The following SNX16 variants were observed in gnomAD, a reference collection of about 807,000 sequenced individuals.
The protein encoded by SNX16 is sorting nexin 16.
SNX16 carries 35 observed loss-of-function variants against 36.7 expected under a neutral mutation model. The ratio of observed to expected loss-of-function variants is 0.95; its 90% confidence interval spans 0.73 to 1.27. SNX16 has a LOEUF of 1.27. Among genes scored for constraint, SNX16 ranks in the 50% most tolerant of loss-of-function variants. The pLI is 0.00. For synonymous variants in SNX16, 134 were observed against 132.0 expected, an observed-to-expected ratio of 1.02 and a Z score of -0.10; for missense variants, 367 against 393.6, an observed-to-expected ratio of 0.93 and a Z score of 0.57.
At chr8:81,832,348 G>A (rs1202241157) in intron 2 of SNX16, among the ~76,000 whole-genome samples, 1 of 152,166 alleles carries the variant, frequency 6.6e-6, no homozygotes, top group Non-Finnish European at 1.5e-5. Flanking sequence ...TCACTTATAA[G>A]TGGGAGGTAA....
rs1810887859 is a variant in SNX16 at position 81,823,850 on chromosome 8, G to A, written c.553C>T (p.Gln185Ter). The A allele has an allele frequency of 3.1e-6, 5 of 1,611,968 alleles. No homozygotes were observed. The highest frequency in any genetic ancestry group is 4.2e-6 in the Non-Finnish European group (5 of 1,178,920). ...TGAAGAAACGCTTGTAATCCTAATT[G>A]TCTGTCTTCTAAAAAGTCAGCATTG... ...NYNADFLEDR[Q>*]LGLQAFLQNL... The change falls in exon 4 of 8, where the codon CAA becomes TAA. Residue 185 changes from glutamine to a stop codon, truncating the protein, a stop_gained. Coordinates refer to ENST00000345957, the MANE Select transcript of SNX16 (RefSeq NM_152836.3). LOFTEE classifies it high-confidence loss of function.
chr8:81,808,812 C>T, intron 5 of SNX16: 1 of 735,236 alleles, frequency 1.4e-6, no homozygotes, highest in South Asian at 1.4e-5. Flanking sequence ...TTTGTGAAGT[C>T]AGCCAAGCAC....
In SNX16 at chr8:81,839,710, T is replaced by C. The variant is rs757466825; in HGVS notation, c.277A>G (p.Thr93Ala). Residue 93 changes from threonine to alanine, a missense_variant, in exon 2 of 8, where the codon ACT (threonine) becomes GCT (alanine). Thr to Ala is a moderately conservative substitution (Grantham distance 58, BLOSUM62 0). Transcript: ENST00000345957. ...ACTGTTTCCGGATTTTGTTCTTCAG[T>C]GTCTCTTGGTCTAGTAGAATACTCA... ...SIEYSTRPRD[T>A]EEQNPETVNW... The C allele has an allele frequency of 9.9e-6, 16 of 1,613,886 alleles. No individual in the cohort carries two copies. Among genetic ancestry groups the C allele is most frequent in the Non-Finnish European group, 1.1e-5 (13 of 1,179,902 alleles).
intron 5 of SNX16, chr8:81,808,753 A>G (rs545995206): frequency 9.9e-6 from 11 of 1,116,340 alleles, no homozygotes; most frequent in Middle Eastern, 2.6e-4. Flanking sequence ...AAAGCTCAGC[A>G]GGAGAGGAGA....
At chr8:81,831,012 G>A (rs1480534410) in intron 2 of SNX16, among the ~76,000 whole-genome samples, 1 of 152,126 alleles carries the variant, frequency 6.6e-6, no homozygotes, top group Non-Finnish European at 1.5e-5. Flanking sequence ...ATAAGCATAG[G>A]GAAGCGATCC....
Position 81,800,746 on chromosome 8 carries a change from A to C in SNX16, c.*751T>G, listed in dbSNP as rs1466195158. The C allele has an allele frequency of 1.3e-5, 2 of 152,186 alleles. No homozygotes were observed. Among genetic ancestry groups the C allele is most frequent in the East Asian group, 3.8e-4 (2 of 5,204 alleles). The allele number at this position is 152,186 out of a possible 1,614,324, so 9.4% of individuals were successfully genotyped here. A position where few individuals can be genotyped will look rare whatever the true frequency, so the allele number is the denominator to read the frequency against. ...CTTAACAAAAGGAGGTAGTATTCTGAAAGAGGCAAACTCACTAAATCTAGG... is the reference window on the plus strand; with the variant it reads ...CTTAACAAAAGGAGGTAGTATTCTGCAAGAGGCAAACTCACTAAATCTAGG... On this transcript the variant is annotated 3_prime_UTR_variant, in exon 8 of 8. Transcript: ENST00000345957.
intron 5 of SNX16, among the ~76,000 whole-genome samples, chr8:81,808,990 T>C (rs552431255): frequency 9.1e-4 from 130 of 142,094 alleles, no homozygotes; most frequent in Non-Finnish European, 1.2e-3. Flanking sequence ...TTTAATGTAG[T>C]TTTTTTTTTT....
intron 2 of SNX16, among the ~76,000 whole-genome samples, chr8:81,831,690 C>T (rs964227372): frequency 1.3e-4 from 16 of 126,848 alleles, no homozygotes; most frequent in African/African-American, 3.6e-4. Context: ...AGTGAGACTC[C>T]GTCAAAAAAA....
intron 3 of SNX16, among the ~76,000 whole-genome samples, chr8:81,828,956 C>T (rs149295299): frequency 6.6e-6 from 1 of 152,172 alleles, no homozygotes; most frequent in Admixed American, 6.5e-5. Context: ...GGTAATTCTC[C>T]TCCAGAGCCT....
chr8:81,807,353 T>C (rs1358363615), intron 5 of SNX16, among the ~76,000 whole-genome samples: 6 of 151,354 alleles, frequency 4.0e-5, no homozygotes, highest in South Asian at 2.1e-4. Flanking sequence ...ACTCCGTCTC[T>C]ACTAAAAATA....
intron 1 of SNX16, chr8:81,840,512 G>C (rs1811696366): frequency 6.6e-6 from 1 of 152,668 alleles, no homozygotes; most frequent in African/African-American, 2.4e-5. Context: ...GATTTAATCA[G>C]AAAGGGAGGA....
At position 81,839,898 on chromosome 8, in the gene SNX16, A is replaced by G; in HGVS notation, c.89T>C (p.Phe30Ser). 6.2e-7 allele frequency: 1 copy of G among 1,613,982 alleles called. No homozygotes were observed. The highest frequency in any genetic ancestry group is 8.5e-7 in the Non-Finnish European group (1 of 1,179,908). The change falls in exon 2 of 8, where the codon TTT becomes TCT. Residue 30 changes from phenylalanine (F) to serine (S), a missense_variant. Phe to Ser is a radical substitution (Grantham distance 155). Coordinates refer to ENST00000345957, the MANE Select transcript of SNX16 (RefSeq NM_152836.3). Reference protein sequence around the residue: ...TTNRNQRSSSFGSVSTSSNSS... With the variant: ...TTNRNQRSSSSGSVSTSSNSS... ...ATTTGAGCTTGTTGAGACACTGCCAAAAGAAGAACTTCTTTGATTTCTGTT... is the reference window on the plus strand; with the variant it reads ...ATTTGAGCTTGTTGAGACACTGCCAGAAGAAGAACTTCTTTGATTTCTGTT...
chr8:81,807,679 A>C (rs558095197), intron 5 of SNX16: 9 of 535,122 alleles, frequency 1.7e-5, no homozygotes, highest in Non-Finnish European at 3.1e-5. Context: ...AGAAAAAGTT[A>C]AATCAATTAA....
chr8:81,831,960 G>A (rs1389633234), intron 2 of SNX16, among the ~76,000 whole-genome samples: 1 of 152,134 alleles, frequency 6.6e-6, no homozygotes, highest in Non-Finnish European at 1.5e-5. Flanking sequence ...ATATATTGCT[G>A]GTAGAACTGT....
intron 3 of SNX16, 105 bp from the exon 4 acceptor site, chr8:81,824,045 A>G: frequency 1.9e-6 from 2 of 1,080,366 alleles, no homozygotes; most frequent in Non-Finnish European, 2.6e-6. Context: ...ATAAGTTTAA[A>G]ATAAAAGAAT....
In SNX16 at chr8:81,799,893, T is replaced by C. The variant is rs1414199057; in HGVS notation, c.*1604A>G. ...GCCTTTTGTAAGTCTAGAATAATAA[T>C]TTTAATAAATAAGCAGATCAATTTA... On this transcript the variant is annotated 3_prime_UTR_variant, in exon 8 of 8. Coordinates refer to ENST00000345957, the MANE Select transcript of SNX16 (RefSeq NM_152836.3). The C allele has an allele frequency of 6.6e-6, 1 of 151,910 alleles. No homozygotes were observed. The highest frequency in any genetic ancestry group is 1.5e-5 in the Non-Finnish European group (1 of 67,806). The allele number at this position is 151,910 out of a possible 1,614,324, so 9.4% of individuals were successfully genotyped here.
intron 2 of SNX16, among the ~76,000 whole-genome samples, chr8:81,831,769 G>C (rs1811282345): frequency 6.7e-6 from 1 of 148,802 alleles, no homozygotes; most frequent in Admixed American, 6.7e-5. Flanking sequence ...GACATGAACA[G>C]ATACTTCTTA....
At chr8:81,829,329 ATGAATT>A in intron 3 of SNX16, 95 bp downstream of exon 3, 1 of 336,834 alleles carries the variant, frequency 3.0e-6, no homozygotes, top group Non-Finnish European at 4.9e-6. Context: ...ATGAACTAGA[ATGAATT>A]TGACTCATTA....
At chr8:81,834,798 C>T (rs1484406934) in intron 2 of SNX16, among the ~76,000 whole-genome samples, 1 of 152,204 alleles carries the variant, frequency 6.6e-6, no homozygotes, top group African/African-American at 2.4e-5. Context: ...GGATATAGCC[C>T]TCCTCCTTCC....
Sources: allele counts gnomAD v4.1 joint callset (sites outside exome capture counted in the v4.1 genomes callset), GRCh38; gene constraint gnomAD v4.1.1; transcripts MANE v1.5; gene names NCBI Gene and HGNC (gene_info 2026-07-23, HGNC 2026-07-21).